RAB3IP: variants seen among roughly 807,000 people sequenced by gnomAD.
RAB3IP encodes rab-3A-interacting protein.
A neutral mutation model predicts 59.1 loss-of-function variants in RAB3IP; 36 were observed. That is an observed-to-expected ratio of 0.61 (90% CI 0.47 to 0.80). RAB3IP has a LOEUF of 0.80. Among genes scored for constraint, RAB3IP ranks in the 30% least tolerant of loss-of-function variants. RAB3IP has a pLI of 0.00. For missense variants in RAB3IP, 511 were observed against 536.0 expected, an observed-to-expected ratio of 0.95 and a Z score of 0.46; for synonymous variants, 207 against 191.2, an observed-to-expected ratio of 1.08 and a Z score of -0.68.
At chr12:69,749,877 T>A (rs1868949933) in intron 1 of RAB3IP, among the ~76,000 whole-genome samples, 2 of 152,242 alleles carry the variant, frequency 1.3e-5, no homozygotes, top group Admixed American at 6.5e-5. Context: ...AGTAGATTTT[T>A]CTTCTTTCCC....
At chr12:69,813,169 C>T (rs1592636351) in intron 10 of RAB3IP, 136 bp downstream of exon 10, 1 of 600,482 alleles carries the variant, frequency 1.7e-6, no homozygotes, top group Non-Finnish European at 2.9e-6. Context: ...TGAATCCCTT[C>T]TATAGTTCTA....
At chr12:69,796,983 C>G (rs1429895038) in intron 6 of RAB3IP, among the ~76,000 whole-genome samples, 1 of 152,128 alleles carries the variant, frequency 6.6e-6, no homozygotes. Context: ...TCTTCAGGTA[C>G]GTGTTATAGT....
rs11615019 is a variant in RAB3IP at position 69,738,929 on chromosome 12, A to G, written c.-128A>G. The G allele has an allele frequency of 0.21, 32,572 of 151,990 alleles. 4,208 individuals are homozygous for G. The highest frequency in any genetic ancestry group is 0.34 in the Middle Eastern group (99 of 290). 9.4% of individuals were successfully genotyped at this position (151,990 alleles called of 1,614,324 possible). On this transcript the variant is annotated 5_prime_UTR_variant, in exon 1 of 11. Coordinates refer to ENST00000247833, the MANE Select transcript of RAB3IP (RefSeq NM_022456.5). The stretch of plus-strand genomic sequence containing the variant: ...GCCCGCCGCCGTGGAGTGTAGCGGA[A>G]AGGGCTCGCCGTCCTCCTCCGTTTC...
intron 10 of RAB3IP, among the ~76,000 whole-genome samples, chr12:69,814,649 A>G (rs1324902736): frequency 6.6e-6 from 1 of 151,608 alleles, no homozygotes; most frequent in Non-Finnish European, 1.5e-5. Flanking sequence ...CGTACCCTGG[A>G]GTGGCCAGGG....
intron 8 of RAB3IP, among the ~76,000 whole-genome samples, chr12:69,804,996 T>C (rs561457999): frequency 2.2e-4 from 33 of 152,338 alleles, no homozygotes; most frequent in African/African-American, 7.2e-4. Context: ...TTTGGTTCCA[T>C]ATGAACTTTA....
intron 1 of RAB3IP, among the ~76,000 whole-genome samples, chr12:69,742,828 G>A (rs1031584925): frequency 6.6e-6 from 1 of 152,154 alleles, no homozygotes; most frequent in African/African-American, 2.4e-5. Context: ...AGTTTTATAA[G>A]CTTACATCGT....
At chr12:69,797,477 C>CT in intron 6 of RAB3IP, among the ~76,000 whole-genome samples, 720 of 54,932 alleles carry the variant, frequency 0.013, 12 homozygotes, top group African/African-American at 0.039. Flanking sequence ...TCTTTTCTTT[C>CT]TTTTTTTTTT....
chr12:69,738,467 G>A (rs1232506281), upstream of RAB3IP: 4 of 152,248 alleles, frequency 2.6e-5, no homozygotes, highest in East Asian at 3.9e-4. Flanking sequence ...TATGGCCGCG[G>A]AGTCTCAGGT....
chr12:69,819,942 T>C lies in RAB3IP; in HGVS notation c.*4496T>C, dbSNP rs1881519586. 1 of 152,132 alleles carries C rather than the reference T, an allele frequency of 6.6e-6. No homozygotes were observed. Among genetic ancestry groups the C allele is most frequent in the Non-Finnish European group, 1.5e-5 (1 of 68,044 alleles). 9.4% of individuals were successfully genotyped at this position (152,132 alleles called of 1,614,324 possible). ...AAGCATCCACACTGGAAGAACAAGA[T>C]TTGGTTTCTGAACATTGGGTCTTAG... On this transcript the variant is annotated 3_prime_UTR_variant, in exon 11 of 11. Coordinates refer to ENST00000247833, the MANE Select transcript of RAB3IP (RefSeq NM_022456.5).
intron 8 of RAB3IP, among the ~76,000 whole-genome samples, chr12:69,806,994 G>T (rs1025419417): frequency 4.6e-5 from 7 of 152,124 alleles, no homozygotes; most frequent in Non-Finnish European, 8.8e-5. Context: ...GACAGACACA[G>T]TAACAATCTG....
At chr12:69,741,627 A>T (rs998769897) in intron 1 of RAB3IP, among the ~76,000 whole-genome samples, 7 of 152,226 alleles carry the variant, frequency 4.6e-5, no homozygotes, top group African/African-American at 1.7e-4. Context: ...GTGAGCGAGG[A>T]GATAATACTT....
chr12:69,750,855 G>T (rs1299547225), intron 1 of RAB3IP, among the ~76,000 whole-genome samples: 2 of 151,776 alleles, frequency 1.3e-5, no homozygotes, highest in Non-Finnish European at 2.9e-5. Flanking sequence ...GTGAGTTCAG[G>T]TACTGTCATT....
At chr12:69,804,888 G>A (rs1293863404) in intron 8 of RAB3IP, among the ~76,000 whole-genome samples, 13 of 152,120 alleles carry the variant, frequency 8.5e-5, no homozygotes, top group Admixed American at 8.5e-4. Flanking sequence ...ATGCTGTTTT[G>A]TTTACTGTAG....
chr12:69,809,239 C>T (rs1390961712), intron 8 of RAB3IP, among the ~76,000 whole-genome samples: 2 of 152,140 alleles, frequency 1.3e-5, no homozygotes, highest in Non-Finnish European at 2.9e-5. Flanking sequence ...TCACTCTCTT[C>T]TGGCTTCTAG....
chr12:69,779,684 A>AT (rs34446445), intron 3 of RAB3IP, among the ~76,000 whole-genome samples: 4,037 of 143,766 alleles, frequency 0.028, 174 homozygotes, highest in African/African-American at 0.096. Flanking sequence ...TAGCTAGGGA[A>AT]TTTTTTTTTT....
At position 69,815,898 on chromosome 12, in the gene RAB3IP, T is replaced by G. The variant is rs1161303958; in HGVS notation, c.*452T>G. 6.5e-6 allele frequency: 1 copy of G among 152,744 alleles called. No homozygotes were observed. The highest frequency in any genetic ancestry group is 2.4e-5 in the African/African-American group (1 of 41,478). 9.5% of individuals were successfully genotyped at this position (152,744 alleles called of 1,614,324 possible). On this transcript the variant is annotated 3_prime_UTR_variant, in exon 11 of 11. Coordinates refer to ENST00000247833, the MANE Select transcript of RAB3IP (RefSeq NM_022456.5). ...CCCACCTCTAGAATGGCTTTATTTT[T>G]ATCTGTTTTCTATATTGGGTTTCAA...
intron 1 of RAB3IP, among the ~76,000 whole-genome samples, chr12:69,751,521 A>C (rs995378061): frequency 1.3e-5 from 2 of 152,142 alleles, no homozygotes; most frequent in African/African-American, 4.8e-5. Context: ...TCTGAGTAAA[A>C]TTTAGGCCTC....
At chr12:69,792,968 A>G (rs578107991) in intron 4 of RAB3IP, among the ~76,000 whole-genome samples, 19 of 152,360 alleles carry the variant, frequency 1.2e-4, no homozygotes, top group African/African-American at 4.6e-4. Context: ...TCTCCATAGT[A>G]TGAATTACTT....
chr12:69,801,815 A>G (rs1349248322), intron 8 of RAB3IP, 94 bp downstream of exon 8: 3 of 757,508 alleles, frequency 4.0e-6, no homozygotes, highest in South Asian at 1.6e-5. Context: ...AAATGTAGTT[A>G]TATTTCCCTC....
Sources: allele counts gnomAD v4.1 joint callset (sites outside exome capture counted in the v4.1 genomes callset), GRCh38; gene constraint gnomAD v4.1.1; transcripts MANE v1.5; gene names NCBI Gene and HGNC (gene_info 2026-07-23, HGNC 2026-07-21).